ANKRD36: variants seen among roughly 807,000 people sequenced by gnomAD.
The protein encoded by ANKRD36 is ankyrin repeat domain 36.
In ANKRD36, 179 loss-of-function variants were observed where a neutral mutation model predicts 278.1. That is an observed-to-expected ratio of 0.64 (90% CI 0.57 to 0.73). The LOEUF is 0.73. ANKRD36 is among the 30% of genes least tolerant of loss of function. The pLI, the probability that ANKRD36 is intolerant of heterozygous loss-of-function variation, is 0.00. For synonymous variants in ANKRD36, 320 were observed against 641.1 expected (o/e 0.50, Z 7.57); for missense variants, 1,159 against 1,956.7 (o/e 0.59, Z 7.69).
At chr2:97,220,962 A>G (rs59323388) in intron 66 of ANKRD36, among the ~76,000 whole-genome samples, 501 of 92,066 alleles carry the variant, frequency 5.4e-3, no homozygotes, top group African/African-American at 0.025. Context: ...AGAGTGTGAT[A>G]TTCCCCTTCC....
chr2:97,133,829 G>A (rs1329621752), intron 6 of ANKRD36, among the ~76,000 whole-genome samples: 8 of 151,482 alleles, frequency 5.3e-5, no homozygotes, highest in African/African-American at 9.7e-5. Flanking sequence ...TTTCATATAC[G>A]CCATCCCCCC....
chr2:97,200,625 A>T, intron 46 of ANKRD36, 100 bp downstream of exon 46: 1 of 1,500,440 alleles, frequency 6.7e-7, no homozygotes, highest in Non-Finnish European at 8.9e-7. Context: ...GCACGTTCTG[A>T]TTCACCAAGC....
chr2:97,202,991 G>A (rs1381472492), intron 48 of ANKRD36, among the ~76,000 whole-genome samples: 31 of 151,760 alleles, frequency 2.0e-4, no homozygotes, highest in South Asian at 4.2e-4. Flanking sequence ...TGCAGGAACT[G>A]CTGGAAGAAG....
Position 97,244,995 on chromosome 2 carries a change from ATGAGGTT to A in ANKRD36, c.4492-153_4492-147del, listed in dbSNP as rs1288269878. Among the ~76,000 whole-genome samples, 2 of 73,454 alleles carry A rather than the reference ATGAGGTT, an allele frequency of 2.7e-5. 1 individual carries two copies. The highest frequency in any genetic ancestry group is 4.2e-5 in the Non-Finnish European group (2 of 47,560). 48.2% of individuals were successfully genotyped at this position (73,454 alleles called of 152,430 possible). A position where few individuals can be genotyped will look rare whatever the true frequency, so the allele number is the denominator to read the frequency against. On this transcript the variant is annotated intron_variant, in intron 70 of 75. Transcript: ENST00000420699. ...TTGAACTTTGGGGAATTTATGCTGT[ATGAGGTT>A]TGAGGTTTTGACTTAACTTCTTTTT...
chr2:97,125,326 A>G (rs1232571467), intron 5 of ANKRD36, among the ~76,000 whole-genome samples: 2 of 147,828 alleles, frequency 1.4e-5, no homozygotes, highest in African/African-American at 5.0e-5. Context: ...TTTCCAAAAC[A>G]GCAGAACCTT....
At chr2:97,226,104 TAGC>T (rs2069486523) in intron 67 of ANKRD36, among the ~76,000 whole-genome samples, 1 of 151,714 alleles carries the variant, frequency 6.6e-6, no homozygotes, top group Non-Finnish European at 1.5e-5. Context: ...TGTGTCTTTA[TAGC>T]AGCATGATTT....
rs2068817965 is a variant in ANKRD36 at position 97,224,625 on chromosome 2, A to AT, written c.3878-175dup. Among the ~76,000 whole-genome samples the AT allele has an allele frequency of 3.3e-5, 5 of 151,948 alleles. No homozygotes were observed. In the South Asian group the frequency reaches 1.1e-3, roughly 32 times the overall value. On this transcript the variant is annotated intron_variant, in intron 66 of 75. Coordinates refer to ENST00000420699, the MANE Select transcript of ANKRD36 (RefSeq NM_001354587.1). ...CCACCACGCCCAGCTAATTTTTTGTATTTTTTAGTAGAGACGAGGTTTCAC... is the reference window on the plus strand; with the variant it reads ...CCACCACGCCCAGCTAATTTTTTGTATTTTTTTAGTAGAGACGAGGTTTCAC...
At chr2:97,125,565 GTTC>G (rs981683233) in intron 5 of ANKRD36, among the ~76,000 whole-genome samples, 3 of 150,810 alleles carry the variant, frequency 2.0e-5, no homozygotes, top group Non-Finnish European at 3.0e-5. Flanking sequence ...AGATCACAGT[GTTC>G]TTCTTTATTG....
chr2:97,157,875 T>A (rs1180513610), intron 15 of ANKRD36, among the ~76,000 whole-genome samples: 2 of 151,922 alleles, frequency 1.3e-5, no homozygotes, highest in African/African-American at 4.8e-5. Flanking sequence ...AGTATTTGTA[T>A]AATAACTCAA....
chr2:97,126,243 G>A (rs879866073), intron 5 of ANKRD36, among the ~76,000 whole-genome samples: 8 of 140,070 alleles, frequency 5.7e-5, no homozygotes, highest in Non-Finnish European at 9.3e-5. Flanking sequence ...TGTCTTCCAT[G>A]TCAGTTGGAG....
chr2:97,203,955 A>G (rs1575841814), intron 48 of ANKRD36, 113 bp from the exon 49 acceptor site: 1 of 1,471,206 alleles, frequency 6.8e-7, no homozygotes, highest in East Asian at 2.5e-5. Context: ...AAGCCATCAA[A>G]GCATACGCTA....
intron 30 of ANKRD36, 78 bp from the exon 31 acceptor site, chr2:97,187,120 G>T: frequency 1.3e-6 from 2 of 1,590,138 alleles, no homozygotes; most frequent in South Asian, 2.3e-5. Flanking sequence ...GATACAGCTT[G>T]ATGCTAACAC....
chr2:97,158,692 A>G, intron 17 of ANKRD36, 37 bp downstream of exon 17: 2 of 1,513,938 alleles, frequency 1.3e-6, no homozygotes, highest in Non-Finnish European at 1.8e-6. Context: ...ACATAGAATA[A>G]TCAGAGTCCA....
intron 6 of ANKRD36, among the ~76,000 whole-genome samples, chr2:97,138,575 A>C (rs1039486351): frequency 6.6e-6 from 1 of 152,076 alleles, no homozygotes; most frequent in Non-Finnish European, 1.5e-5. Flanking sequence ...ACAGAATTAG[A>C]AAAAACTACT....
intron 42 of ANKRD36, among the ~76,000 whole-genome samples, chr2:97,197,828 C>T (rs13428530): frequency 0.06 from 8,969 of 150,476 alleles, no homozygotes; most frequent in African/African-American, 0.17. Context: ...AAGAAAATTT[C>T]GGAAGGCTAA....
At chr2:97,227,428 G>A (rs2070208680) in intron 67 of ANKRD36, among the ~76,000 whole-genome samples, 1 of 152,090 alleles carries the variant, frequency 6.6e-6, no homozygotes, top group African/African-American at 2.4e-5. Context: ...CTCTCTGTTT[G>A]TCTGTTATTG....
chr2:97,205,396 A>C (rs544532078), intron 50 of ANKRD36, among the ~76,000 whole-genome samples: 68 of 151,702 alleles, frequency 4.5e-4, no homozygotes, highest in African/African-American at 1.6e-3. Context: ...AGGTATCAGC[A>C]AAGAGGTATC....
intron 67 of ANKRD36, among the ~76,000 whole-genome samples, chr2:97,225,261 T>C (rs2069050798): frequency 6.6e-6 from 1 of 151,928 alleles, no homozygotes; most frequent in Non-Finnish European, 1.5e-5. Context: ...TAATTATTGC[T>C]AGTGGTTCAA....
chr2:97,231,260 G>A (rs2071936176), intron 67 of ANKRD36, among the ~76,000 whole-genome samples: 1 of 152,160 alleles, frequency 6.6e-6, no homozygotes, highest in Admixed American at 6.5e-5. Flanking sequence ...GCCTACAGAG[G>A]CAGGCAGGCC....
Sources: allele counts gnomAD v4.1 joint callset (sites outside exome capture counted in the v4.1 genomes callset), GRCh38; gene constraint gnomAD v4.1.1; transcripts MANE v1.5; gene names NCBI Gene and HGNC (gene_info 2026-07-23, HGNC 2026-07-21).